The following GNAL variants were observed in gnomAD, a reference collection of about 807,000 sequenced individuals.
The protein encoded by GNAL is guanine nucleotide-binding protein G(olf) subunit alpha.
In GNAL, 18 loss-of-function variants were observed where a neutral mutation model predicts 55.1. The observed-to-expected ratio is 0.33, with a 90% CI of 0.23 to 0.48. The LOEUF (loss-of-function observed/expected upper bound fraction) is 0.48. Ranked by LOEUF, GNAL falls within the 20% of genes least tolerant of loss-of-function variation. The probability of loss-of-function intolerance (pLI) is 0.99; values close to 1 mark genes in which losing one functional copy is unlikely to be tolerated. For missense variants in GNAL, 412 were observed against 614.1 expected (o/e 0.67, Z 3.48); for synonymous variants, 253 against 237.0 (o/e 1.07, Z -0.62).
intron 4 of GNAL, among the ~76,000 whole-genome samples, chr18:11,813,397 G>A (rs1304420992): frequency 6.6e-6 from 1 of 152,044 alleles, no homozygotes; most frequent in African/African-American, 2.4e-5. Flanking sequence ...AATACCAACA[G>A]GCTTTTTTAT....
At position 11,689,630 on chromosome 18, in the gene GNAL, T is replaced by C. The variant is rs1346269866; in HGVS notation, c.67T>C (p.Ser23Pro). The C allele has an allele frequency of 1.1e-5, 15 of 1,367,690 alleles. No homozygotes were observed. The African/African-American group carries it at 1.8e-4, about 17-fold the overall frequency. 84.7% of individuals were successfully genotyped at this position (1,367,690 alleles called of 1,614,324 possible). The change falls in exon 1 of 12, where the codon TCG becomes CCG. Residue 23 changes from serine (S) to proline (P), a missense_variant. Ser to Pro is a moderately conservative substitution (Grantham distance 74, BLOSUM62 -1). Around this residue, in one of 5 missense-constraint regions of GNAL, gnomAD observed 228 missense variants for 194.8 expected, o/e 1.17. Transcript: ENST00000334049. Reference sequence around the variant, plus strand: ...CCCAGGGGACGACCCCTGCGCGGCCTCGGAGCCGCCGGTGGAGGACGCGCA... The same window carrying C: ...CCCAGGGGACGACCCCTGCGCGGCCCCGGAGCCGCCGGTGGAGGACGCGCA... The part of the protein sequence containing the change: ...GGPGDDPCAA[S>P]EPPVEDAQPA...
At chr18:11,724,240 G>A (rs756801668) in intron 1 of GNAL, among the ~76,000 whole-genome samples, 5 of 152,120 alleles carry the variant, frequency 3.3e-5, no homozygotes, top group African/African-American at 4.8e-5. Flanking sequence ...TCAGCCTCTG[G>A]GGGGGACCTC....
chr18:11,877,092 T>C (rs2036548975), intron 11 of GNAL, among the ~76,000 whole-genome samples: 1 of 152,198 alleles, frequency 6.6e-6, no homozygotes, highest in Admixed American at 6.5e-5. Flanking sequence ...GATATTTACT[T>C]TTTTTTCTTC....
intron 4 of GNAL, among the ~76,000 whole-genome samples, chr18:11,760,186 T>C (rs1366962290): frequency 6.6e-6 from 1 of 152,192 alleles, no homozygotes; most frequent in Non-Finnish European, 1.5e-5. Context: ...ACTTAGGTTA[T>C]GATAGAATCC....
intron 4 of GNAL, among the ~76,000 whole-genome samples, chr18:11,769,031 TATATATA>T (rs548762476): frequency 0.092 from 8,142 of 88,544 alleles, 920 homozygotes; most frequent in Middle Eastern, 0.13. Flanking sequence ...TATAATATAT[TATATATA>T]ATATATAATA....
intron 5 of GNAL, chr18:11,857,067 T>C (rs7241199): frequency 0.13 from 20,284 of 152,140 alleles, 2,035 homozygotes; most frequent in African/African-American, 0.28. Flanking sequence ...TTAAATGATA[T>C]TCAGTACAGA....
chr18:11,830,135 G>A (rs773817926), intron 5 of GNAL, among the ~76,000 whole-genome samples: 31 of 152,088 alleles, frequency 2.0e-4, no homozygotes, highest in Non-Finnish European at 2.9e-4. Flanking sequence ...TGACGGGTCC[G>A]TACTCACTCG....
At chr18:11,763,204 C>T (rs778281164) in intron 4 of GNAL, among the ~76,000 whole-genome samples, 2 of 152,172 alleles carry the variant, frequency 1.3e-5, no homozygotes, top group South Asian at 2.1e-4. Context: ...CCAGATTCAT[C>T]GATAGCTAAT....
chr18:11,871,395 C>T (rs1220567740), intron 9 of GNAL, among the ~76,000 whole-genome samples: 1 of 151,920 alleles, frequency 6.6e-6, no homozygotes, highest in Non-Finnish European at 1.5e-5. Context: ...GGACTGCAGG[C>T]ACGTGCCACC....
At chr18:11,691,558 T>C (rs1056064653) in intron 1 of GNAL, among the ~76,000 whole-genome samples, 2 of 150,074 alleles carry the variant, frequency 1.3e-5, no homozygotes, top group Admixed American at 1.3e-4. Context: ...TGAATGGTAA[T>C]GCCTAGGTTT....
intron 4 of GNAL, among the ~76,000 whole-genome samples, chr18:11,792,341 G>A (rs771781307): frequency 4.6e-5 from 7 of 151,900 alleles, no homozygotes; most frequent in African/African-American, 9.7e-5. Flanking sequence ...GCACACCACC[G>A]CACCTGGCTA....
intron 5 of GNAL, among the ~76,000 whole-genome samples, chr18:11,833,915 C>T (rs1013051974): frequency 1.3e-5 from 2 of 152,160 alleles, no homozygotes; most frequent in Non-Finnish European, 2.9e-5. Flanking sequence ...GGTGAGGAGC[C>T]GGAGCCCTTG....
intron 7 of GNAL, among the ~76,000 whole-genome samples, chr18:11,866,804 T>C (rs2036272834): frequency 6.9e-6 from 1 of 144,866 alleles, no homozygotes; most frequent in South Asian, 2.1e-4. Context: ...GGCAGTGACT[T>C]AGCCTGTACT....
intron 4 of GNAL, among the ~76,000 whole-genome samples, chr18:11,781,879 A>G (rs1006935066): frequency 2.6e-5 from 4 of 152,216 alleles, no homozygotes; most frequent in African/African-American, 9.7e-5. Context: ...TAGGTGTTAT[A>G]ATTAGCAATA....
chr18:11,786,978 G>T (rs997900161), intron 4 of GNAL, among the ~76,000 whole-genome samples: 1 of 152,014 alleles, frequency 6.6e-6, no homozygotes, highest in Non-Finnish European at 1.5e-5. Flanking sequence ...CTCTGGCTGG[G>T]CCTGTAATCC....
At chr18:11,828,364 A>T (rs1175488522) in intron 5 of GNAL, among the ~76,000 whole-genome samples, 1 of 75,614 alleles carries the variant, frequency 1.3e-5, no homozygotes, top group Non-Finnish European at 2.5e-5. Context: ...TCATTGTGCC[A>T]CACACTCCAG....
chr18:11,830,047 A>G (rs564523809), intron 5 of GNAL, among the ~76,000 whole-genome samples: 19 of 152,138 alleles, frequency 1.2e-4, no homozygotes, highest in Non-Finnish European at 2.5e-4. Context: ...AGTCGGTGCT[A>G]TCTGAAATAT....
At chr18:11,760,459 G>A (rs2033204964) in intron 4 of GNAL, among the ~76,000 whole-genome samples, 1 of 152,208 alleles carries the variant, frequency 6.6e-6, no homozygotes, top group Non-Finnish European at 1.5e-5. Context: ...TTCGCCTTCT[G>A]CAGTACACTG....
chr18:11,845,499 G>A (rs577322117), intron 5 of GNAL, among the ~76,000 whole-genome samples: 2 of 152,226 alleles, frequency 1.3e-5, no homozygotes, highest in East Asian at 3.9e-4. Context: ...ATTGGAAAGA[G>A]GAATATATCG....
Sources: gnomAD v4.1 joint callset for allele counts (sites outside exome capture counted in the v4.1 genomes callset) on GRCh38, gnomAD v4.1.1 for gene constraint, gnomAD v4.1.1 regional missense constraint, MANE v1.5 for transcripts, NCBI Gene and HGNC (gene_info 2026-07-23, HGNC 2026-07-21) for gene names.